The following NOP14 variants were observed in gnomAD, a reference collection of about 807,000 sequenced individuals.
NOP14 encodes the protein NOP14 nucleolar protein, also known as nucleolar protein 14.
A neutral mutation model predicts 101.6 loss-of-function variants in NOP14; 57 were observed. That is an observed-to-expected ratio of 0.56 (90% CI 0.45 to 0.70). NOP14 has a LOEUF of 0.70. NOP14 is among the 30% of genes least tolerant of loss of function. NOP14 has a pLI of 0.00. For missense variants in NOP14, 1,134 were observed against 1,075.5 expected (o/e 1.05, Z -0.76); for synonymous variants, 428 against 424.0 (o/e 1.01, Z -0.12).
chr4:2,948,369 C>T lies in NOP14; in HGVS notation c.1322G>A (p.Gly441Glu). The T allele has an allele frequency of 6.2e-7, 1 of 1,613,160 alleles. No individual in the cohort carries two copies. The highest frequency in any genetic ancestry group is 8.5e-7 in the Non-Finnish European group (1 of 1,179,788). ...CAAAAGCTGCTCTTCCATCGATCTTCCTAACAACAGAGATCTCAGTTCCTC... is the reference window on the plus strand; with the variant it reads ...CAAAAGCTGCTCTTCCATCGATCTTTCTAACAACAGAGATCTCAGTTCCTC... ...SYEELRSLLL[G>E]RSMEEQLLVV... Residue 441 changes from glycine to glutamate, a missense_variant, in exon 9 of 18, where the codon GGA becomes GAA. By Grantham distance (98) the Gly-to-Glu change is moderately conservative. Transcript: ENST00000416614.
Position 2,938,181 on chromosome 4 carries a change from G to A in NOP14, c.*650C>T. On this transcript the variant is annotated 3_prime_UTR_variant, in exon 18 of 18. Transcript: ENST00000416614. ...AGAAACAAAACCGCAGGCAGCGGGTGGGGGGAGCTGGAGGTTGGAATCACA... is the reference window on the plus strand; with the variant it reads ...AGAAACAAAACCGCAGGCAGCGGGTAGGGGGAGCTGGAGGTTGGAATCACA... The A allele has an allele frequency of 2.3e-6, 3 of 1,284,888 alleles. No individual in the cohort carries two copies. The highest frequency in any genetic ancestry group is 3.0e-6 in the Non-Finnish European group (3 of 986,566). The allele number at this position is 1,284,888 out of a possible 1,614,324, so 79.6% of individuals were successfully genotyped here.
chr4:2,942,721 T>C (rs981289857), intron 13 of NOP14, among the ~76,000 whole-genome samples: 5 of 151,596 alleles, frequency 3.3e-5, no homozygotes, highest in Admixed American at 1.3e-4. Flanking sequence ...GAGGAGCAAA[T>C]GGACCAGACA....
intron 17 of NOP14, 67 bp from the exon 18 acceptor site, chr4:2,938,997 T>C (rs1156778206): frequency 1.5e-5 from 23 of 1,516,206 alleles, no homozygotes; most frequent in East Asian, 6.8e-5. Flanking sequence ...GCCCTCTCTC[T>C]CCCACATCAG....
In NOP14 at chr4:2,939,538, C is replaced by G. The variant is rs138312794; in HGVS notation, c.2307G>C (p.Arg769=). 1.9e-6 allele frequency: 3 copies of G among 1,613,762 alleles called. No homozygotes were observed. The highest frequency in any genetic ancestry group is 1.7e-5 in the Admixed American group (1 of 60,026). The part of the protein sequence containing the change: ...KPVPLKLFTP[R]LVKVLEFGRK... ...CTGCCAGCACCCACACTTTGACCAGCCGGGGTGTGAAAAGCTTCAGTGGGA... is the reference window on the plus strand; with the variant it reads ...CTGCCAGCACCCACACTTTGACCAGGCGGGGTGTGAAAAGCTTCAGTGGGA... Residue 769 remains arginine (R), a synonymous_variant, in exon 16 of 18, where the codon CGG becomes CGC. Coordinates refer to ENST00000416614, the MANE Select transcript of NOP14 (RefSeq NM_001291978.2).
At chr4:2,945,292 C>T (rs549411685) in intron 11 of NOP14, 63 bp from the exon 12 acceptor site, 25 of 1,208,696 alleles carry the variant, frequency 2.1e-5, no homozygotes, top group Admixed American at 1.0e-4. Flanking sequence ...ATGCCCTCCC[C>T]GCAAACACTC....
rs536504632 is a variant in NOP14 at position 2,951,107 on chromosome 4, A to G, written c.1002+7T>C. ...AGAGAAAGAGAAAATGAAGGCAAAC[A>G]TCTTACTTTGTAGGAAAGCAAACGC... On this transcript the variant is annotated splice_region_variant and intron_variant, in intron 7 of 17. Transcript: ENST00000416614. 6.3e-7 allele frequency: 1 copy of G among 1,599,130 alleles called. No individual in the cohort carries two copies. The highest frequency in any genetic ancestry group is 2.2e-5 in the East Asian group (1 of 44,714).
intron 12 of NOP14, 68 bp from the exon 13 acceptor site, chr4:2,944,294 G>C: frequency 6.7e-7 from 1 of 1,495,472 alleles, no homozygotes; most frequent in Non-Finnish European, 9.1e-7. Context: ...CGACCACCGG[G>C]CTTCCCTGAT....
intron 2 of NOP14, 102 bp from the exon 3 acceptor site, chr4:2,956,913 T>C: frequency 9.8e-7 from 1 of 1,024,608 alleles, no homozygotes; most frequent in Non-Finnish European, 1.4e-6. Context: ...ATTTGAAATA[T>C]GACAACGAAT....
At chr4:2,953,317 A>C (rs1715147049) in intron 5 of NOP14, among the ~76,000 whole-genome samples, 194 bp downstream of exon 5, 1 of 152,230 alleles carries the variant, frequency 6.6e-6, no homozygotes, top group African/African-American at 2.4e-5. Flanking sequence ...ATTCACCTGC[A>C]ATAGAGACTC....
rs370706586 is a variant in NOP14 at position 2,945,124 on chromosome 4, G to A, written c.1737+4C>T. ...GACCCCTGCCGCATGTGGAGAGAAC[G>A]CACCTTGGTGAGCAGCTGACTGAGG... On this transcript the variant is annotated splice_donor_region_variant and intron_variant, in intron 12 of 17. Coordinates refer to ENST00000416614, the MANE Select transcript of NOP14 (RefSeq NM_001291978.2). The A allele has an allele frequency of 2.0e-5, 32 of 1,574,968 alleles. No individual in the cohort carries two copies. In the East Asian group the frequency reaches 4.1e-4, roughly 20 times the overall value.
chr4:2,939,309 C>T lies in NOP14; in HGVS notation c.2353G>A (p.Glu785Lys). 1.2e-6 allele frequency: 2 copies of T among 1,614,058 alleles called. No individual in the cohort carries two copies. The highest frequency in any genetic ancestry group is 1.7e-6 in the Non-Finnish European group (2 of 1,180,040). The change falls in exon 17 of 18, where the codon GAG (glutamate) becomes AAG (lysine). Residue 785 changes from glutamate to lysine, a missense_variant. Physicochemically the swap from Glu to Lys is moderately conservative, Grantham distance 56. Coordinates refer to ENST00000416614, the MANE Select transcript of NOP14 (RefSeq NM_001291978.2). The stretch of plus-strand genomic sequence containing the variant: ...ATCAGCCTCTTCCTTTCCTGTTCCT[C>T]CTTACTACTGCCTTGTTTTCTTCCA... ...EFGRKQGSSKEEQERKRLIHK... is the reference protein window; with the variant it reads ...EFGRKQGSSKKEQERKRLIHK...
Position 2,952,408 on chromosome 4 carries a change from A to C in NOP14, c.748-11T>G. The C allele has an allele frequency of 6.4e-7, 1 of 1,568,226 alleles. No individual in the cohort carries two copies. The highest frequency in any genetic ancestry group is 8.6e-7 in the Non-Finnish European group (1 of 1,160,644). On this transcript the variant is annotated splice_polypyrimidine_tract_variant and intron_variant, in intron 5 of 17. Coordinates refer to ENST00000416614, the MANE Select transcript of NOP14 (RefSeq NM_001291978.2). ...GTCATATGCATCGGGCTAAGGTAGA[A>C]AGAAGAAATTCTTCATTTTAAAAAT...
At chr4:2,960,635 C>CTATATTATTAATATAGTTACTA in intron 1 of NOP14, among the ~76,000 whole-genome samples, 1 of 147,408 alleles carries the variant, frequency 6.8e-6, no homozygotes, top group Non-Finnish European at 1.5e-5. Flanking sequence ...GGACCAGTAA[C>CTATATTATTAATATAGTTACTA]TATATTATTA....
Position 2,939,627 on chromosome 4 carries a change from G to C in NOP14, c.2218C>G (p.Leu740Val), listed in dbSNP as rs1430024245. ...TGCTTCTGGCTTTCCATTTCGGTCA[G>C]TGTGCTCTGACACAGCTCCTGAAAA... Reference protein sequence around the residue: ...QELQELCQSTLTEMESQKQLC... With the variant: ...QELQELCQSTVTEMESQKQLC... Residue 740 changes from leucine to valine, a missense_variant, in exon 16 of 18, where the codon CTG (leucine) becomes GTG (valine). Coordinates refer to ENST00000416614, the MANE Select transcript of NOP14 (RefSeq NM_001291978.2). 1 of 1,613,716 alleles carries C rather than the reference G, an allele frequency of 6.2e-7. No homozygotes were observed.
At chr4:2,950,957 T>C (rs917830862) in intron 7 of NOP14, 157 bp downstream of exon 7, 2 of 636,958 alleles carry the variant, frequency 3.1e-6, no homozygotes, top group Non-Finnish European at 5.4e-6. Context: ...AGTTTTAATA[T>C]CTGATATACC....
rs777651321 is a variant in NOP14 at position 2,963,251 on chromosome 4, G to T, written c.69C>A (p.Gly23=). 8.2e-6 allele frequency: 13 copies of T among 1,590,170 alleles called. No homozygotes were observed. The highest frequency in any genetic ancestry group is 1.1e-5 in the South Asian group (1 of 89,184). Residue 23 remains glycine (G), a synonymous_variant, in exon 1 of 18, where the codon GGC becomes GGA. Coordinates refer to ENST00000416614, the MANE Select transcript of NOP14 (RefSeq NM_001291978.2). Reference sequence around the variant, plus strand: ...ACGGATTGGAGTTGGCCTTCGCCGGGCCCCCTCGCGCTCCCGCCGGCGCCC... The same window carrying T: ...ACGGATTGGAGTTGGCCTTCGCCGGTCCCCCTCGCGCTCCCGCCGGCGCCC... The part of the protein sequence containing the change: ...ASGAPAGARG[G]PAKANSNPFE...
chr4:2,957,150 C>T (rs1024625263), intron 2 of NOP14, among the ~76,000 whole-genome samples: 2 of 152,108 alleles, frequency 1.3e-5, no homozygotes, highest in Non-Finnish European at 1.5e-5. Flanking sequence ...TATAGGCATG[C>T]GCCACCACGC....
chr4:2,956,072 G>C (rs1177185555), intron 3 of NOP14, among the ~76,000 whole-genome samples: 1 of 152,154 alleles, frequency 6.6e-6, no homozygotes, highest in Non-Finnish European at 1.5e-5. Context: ...TTATAAATAG[G>C]GTTCAAGACA....
chr4:2,952,424 T>C, intron 5 of NOP14, 27 bp from the exon 6 acceptor site: 3 of 1,545,958 alleles, frequency 1.9e-6, no homozygotes, highest in Non-Finnish European at 2.6e-6. Context: ...AAATTCTTCA[T>C]TTTAAAAATA....
Sources: allele counts gnomAD v4.1 joint callset (sites outside exome capture counted in the v4.1 genomes callset), GRCh38; gene constraint gnomAD v4.1.1; transcripts MANE v1.5; gene names NCBI Gene and HGNC (gene_info 2026-07-23, HGNC 2026-07-21).